SGK1: variants seen among roughly 807,000 people sequenced by gnomAD.
SGK1 encodes serum/glucocorticoid regulated kinase 1.
SGK1 carries 26 observed loss-of-function variants against 64.2 expected under a neutral mutation model. The ratio of observed to expected loss-of-function variants is 0.40; its 90% CI spans 0.30 to 0.56. The LOEUF is 0.56. Among genes scored for constraint, SGK1 ranks in the 20% least tolerant of loss-of-function variants. The pLI is 0.38. For missense variants in SGK1, 519 were observed against 645.6 expected (o/e 0.80, Z 2.12); for synonymous variants, 265 against 239.7 (o/e 1.11, Z -0.98).
At chr6:134,208,858 GTA>G (rs1424198656) in intron 2 of SGK1, among the ~76,000 whole-genome samples, 3 of 145,270 alleles carry the variant, frequency 2.1e-5, no homozygotes, top group East Asian at 4.1e-4. Flanking sequence ...ACGCATACAT[GTA>G]TGTGTATATA....
At chr6:134,311,141 A>AT (rs1157474771) in intron 1 of SGK1, among the ~76,000 whole-genome samples, 1 of 152,184 alleles carries the variant, frequency 6.6e-6, no homozygotes, top group African/African-American at 2.4e-5. Flanking sequence ...TCTAATCCAT[A>AT]TCTAAACATA....
chr6:134,317,580 T>G lies in SGK1; in HGVS notation c.-120A>C, dbSNP rs906160241. The G allele has an allele frequency of 6.7e-6, 5 of 741,672 alleles. No individual in the cohort carries two copies. The highest frequency in any genetic ancestry group is 1.7e-5 in the African/African-American group (1 of 57,950). 45.9% of individuals were successfully genotyped at this position (741,672 alleles called of 1,614,324 possible). A position where few individuals can be genotyped will look rare whatever the true frequency, so the allele number is the denominator to read the frequency against. ...AATGAAGACTGAGCGGGATGGAGAA[T>G]CTAGCGGGGCTCAGTTCTTCACTCG... On this transcript the variant is annotated 5_prime_UTR_variant, in exon 1 of 14. Transcript: ENST00000367858.
chr6:134,299,476 G>C (rs1411752893), intron 1 of SGK1, among the ~76,000 whole-genome samples: 1 of 152,174 alleles, frequency 6.6e-6, no homozygotes, highest in East Asian at 1.9e-4. Context: ...GTGGAGTAAG[G>C]GTGAAATTGT....
At chr6:134,209,052 C>A (rs1775842340) in intron 2 of SGK1, among the ~76,000 whole-genome samples, 1 of 152,034 alleles carries the variant, frequency 6.6e-6, no homozygotes, top group Non-Finnish European at 1.5e-5. Flanking sequence ...TACTCAGATA[C>A]AATTAATAGA....
chr6:134,259,685 T>C (rs981759388), intron 2 of SGK1: 1 of 152,160 alleles, frequency 6.6e-6, no homozygotes, highest in African/African-American at 2.4e-5. Flanking sequence ...CAGAGCTAAA[T>C]AGAAGTTAGA....
chr6:134,206,375 ATATATATAT>A (rs1562250435), intron 3 of SGK1, among the ~76,000 whole-genome samples: 1 of 4,248 alleles, frequency 2.4e-4, no homozygotes, highest in African/African-American at 6.0e-4. Context: ...ATATATATAT[ATATATATAT>A]TTTTTTTTTT....
At chr6:134,289,854 A>G (rs535927241) in intron 1 of SGK1, among the ~76,000 whole-genome samples, 1 of 152,208 alleles carries the variant, frequency 6.6e-6, no homozygotes, top group Admixed American at 6.5e-5. Flanking sequence ...AAAAAATAAA[A>G]AAGTAGCTAT....
intron 1 of SGK1, among the ~76,000 whole-genome samples, chr6:134,308,418 G>T (rs1025185355): frequency 6.6e-6 from 1 of 152,040 alleles, no homozygotes; most frequent in African/African-American, 2.4e-5. Context: ...GCTATTTCTA[G>T]AGACTAAAAT....
In SGK1 at chr6:134,261,965, A is replaced by C. The variant is rs1776772158; in HGVS notation, c.253T>G (p.Ser85Ala). The change falls in exon 2 of 14, where the codon TCA becomes GCA. Residue 85 changes from serine to alanine, a missense_variant. Coordinates refer to ENST00000367858, the MANE Select transcript of SGK1 (RefSeq NM_001143676.3). The stretch of plus-strand genomic sequence containing the variant: ...CCAGATTGAGTTTCCCATGAACATG[A>C]CTCGTTCTCCTGAGGGAGAACCCCT... ...QRGVLPQENE[S>A]CSWETQSGCE... 1 of 1,613,490 alleles carries C rather than the reference A, an allele frequency of 6.2e-7. No individual in the cohort carries two copies. Among genetic ancestry groups the C allele is most frequent in the African/African-American group, 1.3e-5 (1 of 74,904 alleles).
rs78136386 is a variant in SGK1, at chr6:134,268,485, G to C, written c.70-6337C>G. Among the ~76,000 whole-genome samples the C allele has an allele frequency of 7.9e-5, 12 of 151,984 alleles. No individual in the cohort carries two copies. The East Asian group carries it at 2.4e-3, about 30-fold the overall frequency. Reference sequence around the variant, plus strand: ...TCATGCCTGTAATCCCAGTACTTTGGGAGGAGGCGGGCGGATCACGAGGTC... The same window carrying C: ...TCATGCCTGTAATCCCAGTACTTTGCGAGGAGGCGGGCGGATCACGAGGTC... On this transcript the variant is annotated intron_variant, in intron 1 of 13. Transcript: ENST00000367858.
chr6:134,170,887 GAGA>G lies in SGK1; in HGVS notation c.1349_1351del (p.Phe450del), dbSNP rs1562235638. The G allele has an allele frequency of 1.9e-6, 3 of 1,611,988 alleles. No homozygotes were observed. The highest frequency in any genetic ancestry group is 1.7e-6 in the Non-Finnish European group (2 of 1,178,232). Reference sequence around the variant, plus strand: ...AATGAGATCATCCCAGTTAATTAAGGAGAAGAAGACATGACTCTTAATCTCCAT... The same window carrying G: ...AATGAGATCATCCCAGTTAATTAAGGAGAAGACATGACTCTTAATCTCCAT... On this transcript the variant is annotated inframe_deletion, in exon 13 of 14. Coordinates refer to ENST00000367858, the MANE Select transcript of SGK1 (RefSeq NM_001143676.3).
chr6:134,172,804 G>C (rs1562237529), intron 8 of SGK1, 30 bp from the exon 9 acceptor site: 1 of 1,507,540 alleles, frequency 6.6e-7, no homozygotes, highest in Non-Finnish European at 9.2e-7. Context: ...GTCATTCTGG[G>C]TTGCAAATGA....
intron 2 of SGK1, among the ~76,000 whole-genome samples, chr6:134,220,205 GACC>G (rs1237527671): frequency 1.3e-5 from 2 of 151,314 alleles, no homozygotes; most frequent in African/African-American, 4.9e-5. Context: ...CATGTTTATT[GACC>G]ACATCATTGA....
At chr6:134,270,324 C>A (rs1434380513) in intron 1 of SGK1, among the ~76,000 whole-genome samples, 2 of 147,430 alleles carry the variant, frequency 1.4e-5, no homozygotes, top group African/African-American at 4.9e-5. Flanking sequence ...CCTATGTCAC[C>A]TTTCCAACTG....
chr6:134,262,076 A>T lies in SGK1; in HGVS notation c.142T>A (p.Ser48Thr), dbSNP rs371680373. ...CCTGGAGGGATGTGCACCATGGAGGAGCCGGTGTACTTCAGGCTGGGACTC... is the reference window on the plus strand; with the variant it reads ...CCTGGAGGGATGTGCACCATGGAGGTGCCGGTGTACTTCAGGCTGGGACTC... Reference protein sequence around the residue: ...HQSPSLKYTGSSMVHIPPGEP... With the variant: ...HQSPSLKYTGTSMVHIPPGEP... The change falls in exon 2 of 14, where the codon TCC (serine) becomes ACC (threonine). Residue 48 changes from serine to threonine, a missense_variant. Physicochemically the swap from Ser to Thr is moderately conservative, Grantham distance 58. Around this residue, in one of 2 missense-constraint regions of SGK1, gnomAD observed 241 missense variants for 236.9 expected, o/e 1.02. Coordinates refer to ENST00000367858, the MANE Select transcript of SGK1 (RefSeq NM_001143676.3). 3.1e-6 allele frequency: 5 copies of T among 1,613,462 alleles called. No individual in the cohort carries two copies. Among genetic ancestry groups the T allele is most frequent in the Non-Finnish European group, 4.2e-6 (5 of 1,179,538 alleles).
At chr6:134,202,328 A>G (rs765775616) in intron 3 of SGK1, among the ~76,000 whole-genome samples, 25 of 152,180 alleles carry the variant, frequency 1.6e-4, no homozygotes, top group Non-Finnish European at 3.4e-4. Context: ...GAAAACTAAG[A>G]TATTTCACTG....
intron 1 of SGK1, among the ~76,000 whole-genome samples, chr6:134,310,537 T>G (rs930643056): frequency 6.6e-6 from 1 of 152,220 alleles, no homozygotes; most frequent in Admixed American, 6.5e-5. Flanking sequence ...GAAAGACATT[T>G]TTAGGATTCT....
At chr6:134,232,362 G>A (rs1388580506) in intron 2 of SGK1, among the ~76,000 whole-genome samples, 1 of 146,886 alleles carries the variant, frequency 6.8e-6, no homozygotes, top group Non-Finnish European at 1.5e-5. Context: ...TCTAGCCTGG[G>A]CGATAGAGCA....
chr6:134,206,364 TATATATATATATATA>T (rs1562250311), intron 3 of SGK1, among the ~76,000 whole-genome samples: 9 of 7,786 alleles, frequency 1.2e-3, no homozygotes, highest in South Asian at 4.8e-3. Flanking sequence ...TATATATATA[TATATATATATATATA>T]TATATTTTTT....
Sources: gnomAD v4.1 joint callset for allele counts (sites outside exome capture counted in the v4.1 genomes callset) on GRCh38, gnomAD v4.1.1 for gene constraint, gnomAD v4.1.1 regional missense constraint, MANE v1.5 for transcripts, NCBI Gene and HGNC (gene_info 2026-07-23, HGNC 2026-07-21) for gene names.